The following SENP7 variants were observed in gnomAD, a reference collection of about 807,000 sequenced individuals.
SENP7 encodes the protein sentrin-specific protease 7.
Under a neutral mutation model 141.2 loss-of-function variants are expected in SENP7, and 64 were observed. That is an observed-to-expected ratio of 0.45 (90% CI 0.37 to 0.56). The LOEUF is 0.56. Among genes scored for constraint, SENP7 ranks in the 20% least tolerant of loss-of-function variants. The pLI is 0.00. For missense variants in SENP7, 1,025 were observed against 1,212.2 expected (o/e 0.85, Z 2.29); for synonymous variants, 382 against 426.4 (o/e 0.90, Z 1.28).
At chr3:101,447,485 C>A (rs80285436) in intron 4 of SENP7, among the ~76,000 whole-genome samples, 2,066 of 151,954 alleles carry the variant, frequency 0.014, 47 homozygotes, top group African/African-American at 0.047. Flanking sequence ...AAAACAATTC[C>A]ATTCATAATA....
At chr3:101,453,177 C>T (rs1278085587) in intron 4 of SENP7, among the ~76,000 whole-genome samples, 2 of 152,192 alleles carry the variant, frequency 1.3e-5, no homozygotes, top group South Asian at 2.1e-4. Flanking sequence ...TACCATCTCA[C>T]ACCAGTTAGA....
intron 13 of SENP7, 84 bp from the exon 14 acceptor site, chr3:101,344,038 T>A (rs930036278): frequency 1.0e-6 from 1 of 980,816 alleles, no homozygotes; most frequent in Non-Finnish European, 1.5e-6. Context: ...TTAATAATAG[T>A]AAGGTTGGAA....
intron 14 of SENP7, 29 bp from the exon 15 acceptor site, chr3:101,341,808 T>C: frequency 6.5e-7 from 1 of 1,545,084 alleles, no homozygotes. Flanking sequence ...AAAAAGGGTC[T>C]CAAACATCAT....
Position 101,361,801 on chromosome 3 carries a change from T to C in SENP7, c.1537A>G (p.Ser513Gly). 1 of 1,608,898 alleles carries C rather than the reference T, an allele frequency of 6.2e-7. No homozygotes were observed. ...VMENISSIMPSNEMDLQLDFI... is the reference protein window; with the variant it reads ...VMENISSIMPGNEMDLQLDFI... ...TCCAGTTGTAGATCCATCTCATTAC[T>C]AGGCATAATACTGGAAATGTTCTCC... The change falls in exon 11 of 24, where the codon AGT becomes GGT. Residue 513 changes from serine (S) to glycine (G), a missense_variant. Physicochemically the swap from Ser to Gly is moderately conservative, Grantham distance 56. Coordinates refer to ENST00000394095, the MANE Select transcript of SENP7 (RefSeq NM_020654.5).
intron 11 of SENP7, among the ~76,000 whole-genome samples, chr3:101,355,159 G>A (rs1277186554): frequency 1.3e-5 from 2 of 152,012 alleles, no homozygotes; most frequent in African/African-American, 2.4e-5. Context: ...CTCCCATTCT[G>A]TAGGTTGTCT....
intron 1 of SENP7, among the ~76,000 whole-genome samples, chr3:101,510,082 T>C (rs2065787854): frequency 6.6e-6 from 1 of 152,234 alleles, no homozygotes; most frequent in Admixed American, 6.5e-5. Context: ...CTATTTTGAT[T>C]CAAAAATTCA....
chr3:101,419,819 G>A (rs551326830), intron 4 of SENP7, among the ~76,000 whole-genome samples: 2 of 152,308 alleles, frequency 1.3e-5, no homozygotes, highest in Admixed American at 6.5e-5. Flanking sequence ...TATATACCAG[G>A]CACTGTGCTA....
chr3:101,335,323 T>C (rs1166432416), intron 17 of SENP7, among the ~76,000 whole-genome samples: 2 of 152,174 alleles, frequency 1.3e-5, no homozygotes, highest in African/African-American at 4.8e-5. Context: ...TTCTCAACAC[T>C]AGTAGTTAGA....
At chr3:101,416,633 T>C (rs1245434110) in intron 5 of SENP7, among the ~76,000 whole-genome samples, 1 of 152,224 alleles carries the variant, frequency 6.6e-6, no homozygotes, top group Non-Finnish European at 1.5e-5. Context: ...ATATCAGGTA[T>C]GAGCTAGTAA....
At chr3:101,376,870 A>C (rs1213269463) in intron 6 of SENP7, among the ~76,000 whole-genome samples, 1 of 152,202 alleles carries the variant, frequency 6.6e-6, no homozygotes, top group Non-Finnish European at 1.5e-5. Context: ...GTAGTGGACT[A>C]ACTGGGTAAC....
At chr3:101,380,440 C>CA in intron 6 of SENP7, among the ~76,000 whole-genome samples, 1 of 105,640 alleles carries the variant, frequency 9.5e-6, no homozygotes, top group Non-Finnish European at 2.1e-5. Context: ...CCACCGCCCC[C>CA]CCCCCCACAC....
intron 6 of SENP7, among the ~76,000 whole-genome samples, chr3:101,389,188 A>T (rs555507377): frequency 2.0e-5 from 3 of 152,202 alleles, no homozygotes; most frequent in African/African-American, 7.2e-5. Flanking sequence ...CCCAAGCTAG[A>T]GTAGAGTGGT....
At chr3:101,478,023 A>G (rs2064293520) in intron 3 of SENP7, among the ~76,000 whole-genome samples, 2 of 152,094 alleles carry the variant, frequency 1.3e-5, no homozygotes, top group South Asian at 2.1e-4. Context: ...TACCCTAATA[A>G]ACAAAATCAG....
At chr3:101,473,435 T>G (rs1343204876) in intron 3 of SENP7, among the ~76,000 whole-genome samples, 1 of 152,214 alleles carries the variant, frequency 6.6e-6, no homozygotes, top group African/African-American at 2.4e-5. Flanking sequence ...TTTTGACTAG[T>G]GTGAGATGGT....
In SENP7 at chr3:101,371,030, C is replaced by G. The variant is rs137878956; in HGVS notation, c.796+978G>C. On this transcript the variant is annotated intron_variant, in intron 7 of 23. Coordinates refer to ENST00000394095, the MANE Select transcript of SENP7 (RefSeq NM_020654.5). ...AGTGGCCAAGCGCGGTGGCTCTTGC[C>G]TATAATCCCAGCATTTTGGGAAGCC... 1.2e-3 allele frequency among the ~76,000 whole-genome samples: 189 copies of G among 152,278 alleles called. 1 individual carries two copies. In the East Asian group the frequency reaches 0.027, roughly 22 times the overall value.
chr3:101,489,748 C>A (rs2064884938), intron 3 of SENP7, among the ~76,000 whole-genome samples: 1 of 152,178 alleles, frequency 6.6e-6, no homozygotes, highest in African/African-American at 2.4e-5. Flanking sequence ...TTAGACAGAT[C>A]ATTGAGGCAG....
In SENP7 at chr3:101,453,739, A is replaced by G. The variant is rs1291103991; in HGVS notation, c.284+5216T>C. ...TGTGGGGTGGGGGCAGGGGGGAGGAATAGCATTAGGAGATATACCTAATGT... is the reference window on the plus strand; with the variant it reads ...TGTGGGGTGGGGGCAGGGGGGAGGAGTAGCATTAGGAGATATACCTAATGT... On this transcript the variant is annotated intron_variant, in intron 4 of 23. Transcript: ENST00000394095. Among the ~76,000 whole-genome samples the G allele has an allele frequency of 3.9e-5, 6 of 152,278 alleles. No individual in the cohort carries two copies. In the South Asian group the frequency reaches 1.2e-3, roughly 32 times the overall value.
Position 101,443,241 on chromosome 3 carries a change from T to C in SENP7, c.284+15714A>G, listed in dbSNP as rs537562158. On this transcript the variant is annotated intron_variant, in intron 4 of 23. Coordinates refer to ENST00000394095, the MANE Select transcript of SENP7 (RefSeq NM_020654.5). ...CCATTGCTTGTTTTTGTTAGGTTTG[T>C]CAAAGATCAGATAGTTGTAGATATG... 3.6e-4 allele frequency among the ~76,000 whole-genome samples: 55 copies of C among 152,322 alleles called. No individual in the cohort carries two copies. In the East Asian group the frequency reaches 9.8e-3, roughly 27 times the overall value.
chr3:101,444,338 T>C (rs1367875834), intron 4 of SENP7, among the ~76,000 whole-genome samples: 3 of 151,732 alleles, frequency 2.0e-5, no homozygotes, highest in Admixed American at 2.0e-4. Context: ...GTGTGGCGAT[T>C]TCTCAGGGAT....
Sources: allele counts gnomAD v4.1 joint callset (sites outside exome capture counted in the v4.1 genomes callset), GRCh38; gene constraint gnomAD v4.1.1; transcripts MANE v1.5; gene names NCBI Gene and HGNC (gene_info 2026-07-23, HGNC 2026-07-21).